The following TSPAN33 variants were observed in gnomAD, a reference collection of about 807,000 sequenced individuals.
TSPAN33 encodes tetraspanin-33.
TSPAN33 carries 27 observed loss-of-function variants against 34.8 expected under a neutral mutation model. The observed-to-expected ratio is 0.78, with a 90% CI of 0.57 to 1.07. The LOEUF is 1.07. Ranked by LOEUF, TSPAN33 falls within the 50% of genes least tolerant of loss-of-function variation. TSPAN33 has a pLI of 0.00. For synonymous variants in TSPAN33, 119 were observed against 124.2 expected (o/e 0.96, Z 0.28); for missense variants, 272 against 324.9 (o/e 0.84, Z 1.25).
At chr7:129,153,026 T>C (rs1584635793) in intron 1 of TSPAN33, among the ~76,000 whole-genome samples, 1 of 120,588 alleles carries the variant, frequency 8.3e-6, no homozygotes, top group African/African-American at 3.3e-5. Context: ...GCCACTGCAC[T>C]CCAGCCTGGG....
At chr7:129,150,380 A>G (rs1269755345) in intron 1 of TSPAN33, among the ~76,000 whole-genome samples, 1 of 152,156 alleles carries the variant, frequency 6.6e-6, no homozygotes, top group Non-Finnish European at 1.5e-5. Flanking sequence ...CCCCTGCCTG[A>G]AAACCAGCCC....
intron 1 of TSPAN33, among the ~76,000 whole-genome samples, chr7:129,147,121 A>G (rs763422275): frequency 1.2e-4 from 18 of 152,154 alleles, no homozygotes; most frequent in Non-Finnish European, 7.4e-5. Context: ...ACCCCAAATT[A>G]GAATAGAGCC....
At chr7:129,160,109 G>A (rs1460166500) in intron 1 of TSPAN33, among the ~76,000 whole-genome samples, 1 of 152,194 alleles carries the variant, frequency 6.6e-6, no homozygotes, top group East Asian at 1.9e-4. Context: ...CGTGGTTTTA[G>A]ATAAAGGTTT....
In TSPAN33 at chr7:129,165,518, A is replaced by G. The variant is rs533450905; in HGVS notation, c.459+949A>G. Among the ~76,000 whole-genome samples the G allele has an allele frequency of 6.6e-6, 1 of 152,220 alleles. No individual in the cohort carries two copies. Among genetic ancestry groups the G allele is most frequent in the Non-Finnish European group, 1.5e-5 (1 of 68,042 alleles). On this transcript the variant is annotated intron_variant, in intron 5 of 7. Transcript: ENST00000486685. The surrounding 1 kb of genome is among the most constrained non-coding windows in gnomAD (Gnocchi z 4.5). ...TGAAGGCTGAATAATATTCTGTTGT[A>G]TGTATATGCCACATTTTGTTTATCC...
intron 1 of TSPAN33, among the ~76,000 whole-genome samples, chr7:129,151,970 A>G (rs896624000): frequency 3.9e-5 from 6 of 152,212 alleles, no homozygotes; most frequent in Middle Eastern, 3.2e-3. Context: ...TATTCCTGTC[A>G]AATATGTGTA....
At position 129,147,575 on chromosome 7, in the gene TSPAN33, T is replaced by G. The variant is rs550653223; in HGVS notation, c.102+2493T>G. 2.0e-5 allele frequency among the ~76,000 whole-genome samples: 3 copies of G among 152,338 alleles called. No individual in the cohort carries two copies. The South Asian group carries it at 6.2e-4, about 32-fold the overall frequency. ...TCTTCAGGGACTGGTTCCCATGCTT[T>G]CTTTTTTGTAGACTTCCACCATCCT... is the stretch of plus-strand genomic sequence containing the variant. On this transcript the variant is annotated intron_variant, in intron 1 of 7. Transcript: ENST00000486685.
intron 5 of TSPAN33, 158 bp from the exon 6 acceptor site, chr7:129,166,620 A>G: frequency 2.6e-6 from 2 of 761,490 alleles, no homozygotes; most frequent in Non-Finnish European, 4.2e-6. Context: ...GGCGAAGGCA[A>G]CTGGGAAGCT....
intron 1 of TSPAN33, among the ~76,000 whole-genome samples, chr7:129,157,327 T>A (rs1810676528): frequency 6.6e-6 from 1 of 151,802 alleles, no homozygotes; most frequent in African/African-American, 2.4e-5. Flanking sequence ...GCAGCAGCAC[T>A]AACTTTGGAA....
At chr7:129,150,833 A>G (rs774420495) in intron 1 of TSPAN33, among the ~76,000 whole-genome samples, 1 of 152,134 alleles carries the variant, frequency 6.6e-6, no homozygotes, top group Admixed American at 6.6e-5. Flanking sequence ...GAGAGTGGCA[A>G]GCAGACAGGG....
rs1380088157 is a variant in TSPAN33, at chr7:129,169,354, C to T, written c.*1480C>T. On this transcript the variant is annotated 3_prime_UTR_variant, in exon 8 of 8. Transcript: ENST00000486685. Reference sequence around the variant, plus strand: ...CGGGGCGCTGGACTTCGTGGGTGGTCCCCGCCCCCGCGGCGGCCTAGGCCC... The same window carrying T: ...CGGGGCGCTGGACTTCGTGGGTGGTTCCCGCCCCCGCGGCGGCCTAGGCCC... The T allele has an allele frequency of 6.6e-6, 1 of 152,152 alleles. No homozygotes were observed. The highest frequency in any genetic ancestry group is 2.4e-5 in the African/African-American group (1 of 41,454). 9.4% of individuals were successfully genotyped at this position (152,152 alleles called of 1,614,324 possible).
chr7:129,145,650 C>A (rs1584632403), intron 1 of TSPAN33, among the ~76,000 whole-genome samples: 2 of 151,944 alleles, frequency 1.3e-5, no homozygotes, highest in East Asian at 3.9e-4. Flanking sequence ...CCCTCCCTGC[C>A]ACCCTTCTCA....
rs1312288797 is a variant in TSPAN33 at position 129,144,735 on chromosome 7, T to C, written c.-246T>C. Among the ~76,000 whole-genome samples, 99 of 94,062 alleles carry C rather than the reference T, an allele frequency of 1.1e-3. No homozygotes were observed. Among genetic ancestry groups the C allele is most frequent in the African/African-American group, 3.3e-3 (97 of 29,790 alleles). 61.7% of individuals were successfully genotyped at this position (94,062 alleles called of 152,430 possible). On this transcript the variant is annotated 5_prime_UTR_variant, in exon 1 of 8. Transcript: ENST00000486685. ...GGCGCCTGGCTGGCCGGGCTGGTCC[T>C]GCGGCCGCGGGTGAGTCTCGTCCGC...
rs777178962 is a variant in TSPAN33 at position 129,162,560 on chromosome 7, C to T, written c.288+39C>T. On this transcript the variant is annotated intron_variant, in intron 3 of 7. Coordinates refer to ENST00000486685, the MANE Select transcript of TSPAN33 (RefSeq NM_178562.5). Reference sequence around the variant, plus strand: ...GCCCCACTGGAAAGACCCTGGCCCTCTCCCCATCATGCCTCTTAGCCTCCC... The same window carrying T: ...GCCCCACTGGAAAGACCCTGGCCCTTTCCCCATCATGCCTCTTAGCCTCCC... The T allele has an allele frequency of 5.6e-6, 9 of 1,606,672 alleles. No individual in the cohort carries two copies. The Admixed American group carries it at 1.5e-4, about 27-fold the overall frequency.
intron 1 of TSPAN33, among the ~76,000 whole-genome samples, chr7:129,155,472 C>T (rs1243975095): frequency 6.6e-6 from 1 of 152,174 alleles, no homozygotes; most frequent in Non-Finnish European, 1.5e-5. Context: ...ACATTGTACA[C>T]ATGTATCAAA....
intron 4 of TSPAN33, among the ~76,000 whole-genome samples, chr7:129,163,395 G>T (rs1460310185): frequency 7.3e-6 from 1 of 137,010 alleles, no homozygotes; most frequent in Non-Finnish European, 1.5e-5. Flanking sequence ...TCACTAGGTT[G>T]CCAGGCTGGC....
Position 129,165,943 on chromosome 7 carries a change from T to G in TSPAN33, c.460-835T>G, listed in dbSNP as rs951596611. Among the ~76,000 whole-genome samples the G allele has an allele frequency of 1.3e-5, 2 of 151,194 alleles. No homozygotes were observed. The highest frequency in any genetic ancestry group is 3.0e-5 in the Non-Finnish European group (2 of 67,736). On this transcript the variant is annotated intron_variant, in intron 5 of 7. Transcript: ENST00000486685. This position sits in a 1 kb window ranked among gnomAD's most constrained non-coding sequence, Gnocchi z 4.5. ...ATAAGTGAAAAATAAAAGTTAACTTTTTTTTTTCCCTGAGACGGAGTCTTG... is the reference window on the plus strand; with the variant it reads ...ATAAGTGAAAAATAAAAGTTAACTTGTTTTTTTCCCTGAGACGGAGTCTTG...
chr7:129,152,929 A>G (rs1455548972), intron 1 of TSPAN33, among the ~76,000 whole-genome samples: 2 of 150,916 alleles, frequency 1.3e-5, no homozygotes, highest in African/African-American at 2.4e-5. Context: ...TTGGTGGCAC[A>G]TACCTGTAAC....
chr7:129,150,600 A>G (rs1178012042), intron 1 of TSPAN33, among the ~76,000 whole-genome samples: 2 of 152,204 alleles, frequency 1.3e-5, no homozygotes, highest in Admixed American at 1.3e-4. Context: ...TGAACTGAGG[A>G]AAGTTGCTGG....
At chr7:129,163,936 CAAGAA>C (rs1793095915) in intron 4 of TSPAN33, among the ~76,000 whole-genome samples, 1 of 150,670 alleles carries the variant, frequency 6.6e-6, no homozygotes, top group South Asian at 2.1e-4. Flanking sequence ...AAAACTGTAT[CAAGAA>C]AAGAAAAGAG....
Sources: allele counts gnomAD v4.1 joint callset (sites outside exome capture counted in the v4.1 genomes callset), GRCh38; gene constraint gnomAD v4.1.1; non-coding constraint Gnocchi (gnomAD v3.1); transcripts MANE v1.5; gene names NCBI Gene and HGNC (gene_info 2026-07-23, HGNC 2026-07-21).